Variants in MTA1 observed in about 807,000 individuals in gnomAD.
The protein encoded by MTA1 is metastasis-associated protein MTA1.
MTA1 carries 15 observed loss-of-function variants against 97.0 expected under a neutral mutation model. That is an observed-to-expected ratio of 0.15 (90% CI 0.10 to 0.24). The LOEUF (loss-of-function observed/expected upper bound fraction) is 0.24, where lower values mean the gene tolerates loss of function less well. Among genes scored for constraint, MTA1 ranks in the 10% least tolerant of loss-of-function variants. The pLI is 1.00. For synonymous variants in MTA1, 435 were observed against 417.5 expected (o/e 1.04, Z -0.51); for missense variants, 709 against 1,015.1 (o/e 0.70, Z 4.10).
intron 1 of MTA1, among the ~76,000 whole-genome samples, chr14:105,427,010 A>G (rs938880339): frequency 1.3e-5 from 2 of 152,178 alleles, no homozygotes; most frequent in South Asian, 4.1e-4. Flanking sequence ...GGGTGAGCTC[A>G]GGAGAGTGGG....
At chr14:105,451,288 G>A (rs1321763957) in intron 6 of MTA1, among the ~76,000 whole-genome samples, 1 of 152,260 alleles carries the variant, frequency 6.6e-6, no homozygotes, top group African/African-American at 2.4e-5. Context: ...CACACAGCCT[G>A]GAAACAGGCG....
intron 3 of MTA1, among the ~76,000 whole-genome samples, chr14:105,446,403 C>T (rs967058649): frequency 6.6e-6 from 1 of 152,202 alleles, no homozygotes; most frequent in Admixed American, 6.5e-5. Flanking sequence ...GTACCCGTGT[C>T]GCTGGGGTGG....
Position 105,460,821 on chromosome 14 carries a change from G to A in MTA1, c.810G>A (p.Ser270=), listed in dbSNP as rs781862375. 3 of 1,611,398 alleles carry A rather than the reference G, an allele frequency of 1.9e-6. No individual in the cohort carries two copies. Among genetic ancestry groups the A allele is most frequent in the Non-Finnish European group, 2.5e-6 (3 of 1,179,022 alleles). Residue 270 remains serine, a synonymous_variant, in exon 10 of 21, where the codon TCG becomes TCA. Transcript: ENST00000331320. The part of the protein sequence containing the change: ...KNIYDISKAI[S]ALVPQGGPVL... ...TCTACGACATCTCCAAGGCCATCTC[G>A]GCGCTGGTGCCGCAGGGCGGGCCCG...
chr14:105,467,557 G>C (rs782697685), intron 18 of MTA1: 1 of 447,908 alleles, frequency 2.2e-6, no homozygotes, highest in Non-Finnish European at 4.5e-6. Context: ...GCCTGAGATC[G>C]GGTGCCGGGC....
chr14:105,470,052 C>A lies in MTA1; in HGVS notation c.1998-13C>A, dbSNP rs374212088. ...CACAGCGTCCCGGCCCTCACCACCA[C>A]CTCTGCCCACAGGAAGATCCGCAAG... On this transcript the variant is annotated splice_polypyrimidine_tract_variant and intron_variant, in intron 20 of 20. Transcript: ENST00000331320. 6.2e-7 allele frequency: 1 copy of A among 1,612,588 alleles called. No homozygotes were observed.
rs587679241 is a variant in MTA1 at position 105,422,278 on chromosome 14, C to G, written c.28+2215C>G. On this transcript the variant is annotated intron_variant, in intron 1 of 20. Transcript: ENST00000331320. This position sits in a 1 kb window ranked among gnomAD's most constrained non-coding sequence, Gnocchi z 4.3. ...CAGGACCCCGGCAGAGCCCTGTGGT[C>G]GCAGTGGGCTGGGCATTGCAGGTTG... Among the ~76,000 whole-genome samples, 2 of 152,112 alleles carry G rather than the reference C, an allele frequency of 1.3e-5. No homozygotes were observed. The highest frequency in any genetic ancestry group is 2.9e-5 in the Non-Finnish European group (2 of 68,030).
At position 105,434,532 on chromosome 14, in the gene MTA1, T is replaced by G. The variant is rs944493963; in HGVS notation, c.29-4140T>G. On this transcript the variant is annotated intron_variant, in intron 1 of 20. Coordinates refer to ENST00000331320, the MANE Select transcript of MTA1 (RefSeq NM_004689.4). ...TTTTTGAGACAGAGTTTCACTCTTG[T>G]TACCCAGGCTGGAGTGCAGTGAATG... Among the ~76,000 whole-genome samples, 5 of 146,782 alleles carry G rather than the reference T, an allele frequency of 3.4e-5. No homozygotes were observed. The South Asian group carries it at 1.1e-3, about 33-fold the overall frequency.
At position 105,465,202 on chromosome 14, in the gene MTA1, TG is replaced by T. The variant is rs1421716976; in HGVS notation, c.1624+25del. On this transcript the variant is annotated intron_variant, in intron 16 of 20. Transcript: ENST00000331320. ...TATCTTGGTGAGCAGCCAGGCGTGC[TG>T]GGGGGCTCCCAATGCTGCCTGCAGG... The T allele has an allele frequency of 4.0e-6, 6 of 1,500,160 alleles. No individual in the cohort carries two copies. Among genetic ancestry groups the T allele is most frequent in the African/African-American group, 1.4e-5 (1 of 71,882 alleles). 92.9% of individuals were successfully genotyped at this position (1,500,160 alleles called of 1,614,324 possible).
rs1555432905 is a variant in MTA1, at chr14:105,466,572, G to A, written c.1771G>A (p.Val591Met). Residue 591 changes from valine to methionine, a missense_variant, in exon 17 of 21, where the codon GTG (valine) becomes ATG (methionine). This residue lies in a region of MTA1 where 388 missense variants were observed against 421.6 expected (regional missense o/e 0.92). Transcript: ENST00000331320. ...GCGCAGCTACGAGCAGCACAACGGGGTGGACGGTGAGTGGCCCCCCCGCCC... is the reference window on the plus strand; with the variant it reads ...GCGCAGCTACGAGCAGCACAACGGGATGGACGGTGAGTGGCCCCCCCGCCC... Reference protein sequence around the residue: ...GKRSYEQHNGVDGNMKKRLLM... With the variant: ...GKRSYEQHNGMDGNMKKRLLM... 1.3e-6 allele frequency: 2 copies of A among 1,576,862 alleles called. No individual in the cohort carries two copies. The highest frequency in any genetic ancestry group is 1.8e-5 in the Admixed American group (1 of 55,454).
At chr14:105,453,265 G>A (rs1469892022) in intron 6 of MTA1, among the ~76,000 whole-genome samples, 1 of 152,288 alleles carries the variant, frequency 6.6e-6, no homozygotes, top group East Asian at 1.9e-4. Context: ...AGCGGTGGCC[G>A]CTCCTCCAAG....
intron 13 of MTA1, 107 bp from the exon 14 acceptor site, chr14:105,464,306 TGTG>T: frequency 7.9e-7 from 1 of 1,272,220 alleles, no homozygotes; most frequent in Non-Finnish European, 1.0e-6. Flanking sequence ...TCGGGGAACG[TGTG>T]GGGGTGCCTG....
At chr14:105,438,875 G>A (rs1202559045) in intron 2 of MTA1, 136 bp downstream of exon 2, 1 of 824,276 alleles carries the variant, frequency 1.2e-6, no homozygotes, top group Non-Finnish European at 1.9e-6. Flanking sequence ...GCCCTTCAGT[G>A]ACTCCGTCCA....
chr14:105,464,234 C>A, intron 13 of MTA1, 87 bp downstream of exon 13: 1 of 1,472,480 alleles, frequency 6.8e-7, no homozygotes, highest in Non-Finnish European at 9.3e-7. Flanking sequence ...CCAGCATGGC[C>A]CAGCCTGCAA....
rs1404459966 is a variant in MTA1, at chr14:105,424,339, G to A, written c.28+4276G>A. Among the ~76,000 whole-genome samples, 3 of 150,964 alleles carry A rather than the reference G, an allele frequency of 2.0e-5. No homozygotes were observed. The highest frequency in any genetic ancestry group is 4.9e-5 in the African/African-American group (2 of 41,092). ...CTCCCAAGTAGCTGGGACTACAGGC[G>A]CCCGCCACCATGCCTGGCTAATGTT... is the stretch of plus-strand genomic sequence containing the variant. On this transcript the variant is annotated intron_variant, in intron 1 of 20. Coordinates refer to ENST00000331320, the MANE Select transcript of MTA1 (RefSeq NM_004689.4). This position sits in a 1 kb window ranked among gnomAD's most constrained non-coding sequence, Gnocchi z 4.0.
At chr14:105,445,648 C>CT (rs1299823250) in intron 3 of MTA1, 137 bp downstream of exon 3, 1 of 892,790 alleles carries the variant, frequency 1.1e-6, no homozygotes, top group Admixed American at 2.0e-5. Flanking sequence ...TCTGGCGTCT[C>CT]TTTTTCTCCC....
chr14:105,447,318 C>T (rs2141554026), intron 3 of MTA1, among the ~76,000 whole-genome samples: 1 of 152,264 alleles, frequency 6.6e-6, no homozygotes, highest in African/African-American at 2.4e-5. Flanking sequence ...TTGAGTTGGG[C>T]ATGTTTATGG....
At chr14:105,443,717 C>T (rs782385568) in intron 2 of MTA1, among the ~76,000 whole-genome samples, 8 of 151,836 alleles carry the variant, frequency 5.3e-5, no homozygotes, top group South Asian at 2.1e-4. Flanking sequence ...GAGGCCAAGG[C>T]GGGCAGATTG....
intron 18 of MTA1, chr14:105,468,346 C>T: frequency 7.7e-7 from 1 of 1,304,304 alleles, no homozygotes; most frequent in Non-Finnish European, 1.0e-6. Flanking sequence ...AGGCACTTAC[C>T]TGGGTAAGTA....
chr14:105,422,245 GGTTCCGGC>G lies in MTA1; in HGVS notation c.28+2183_28+2190del, dbSNP rs2081864038. ...CCCTGGCTTCTGGACCGGAACCCTG[GGTTCCGGC>G]AGGACCCCGGCAGAGCCCTGTGGTC... On this transcript the variant is annotated intron_variant, in intron 1 of 20. Transcript: ENST00000331320. The surrounding 1 kb of genome is among the most constrained non-coding windows in gnomAD (Gnocchi z 4.3). Among the ~76,000 whole-genome samples, 1 of 152,116 alleles carries G rather than the reference GGTTCCGGC, an allele frequency of 6.6e-6. No homozygotes were observed. Among genetic ancestry groups the G allele is most frequent in the South Asian group, 2.1e-4 (1 of 4,822 alleles).
Sources: gnomAD v4.1 joint callset for allele counts (sites outside exome capture counted in the v4.1 genomes callset) on GRCh38, gnomAD v4.1.1 for gene constraint, gnomAD v4.1.1 regional missense constraint, Gnocchi (gnomAD v3.1) non-coding constraint, MANE v1.5 for transcripts, NCBI Gene and HGNC (gene_info 2026-07-23, HGNC 2026-07-21) for gene names.